The following FGD5 variants were observed in gnomAD, a reference collection of about 807,000 sequenced individuals.
The protein encoded by FGD5 is FYVE, RhoGEF and PH domain-containing protein 5.
In FGD5, 28 loss-of-function variants were observed where a neutral mutation model predicts 133.4. The ratio of observed to expected loss-of-function variants is 0.21; its 90% CI spans 0.16 to 0.29. The LOEUF (loss-of-function observed/expected upper bound fraction) is 0.29, where lower values mean the gene tolerates loss of function less well. Ranked by LOEUF, FGD5 falls within the 10% of genes least tolerant of loss-of-function variation. The probability of loss-of-function intolerance (pLI) is 1.00; values close to 1 mark genes in which losing one functional copy is unlikely to be tolerated. For synonymous variants in FGD5, 810 were observed against 776.5 expected, an observed-to-expected ratio of 1.04 and a Z score of -0.72; for missense variants, 1,858 against 1,895.2, an observed-to-expected ratio of 0.98 and a Z score of 0.36.
intron 4 of FGD5, among the ~76,000 whole-genome samples, chr3:14,884,599 G>A (rs749628357): frequency 2.0e-5 from 3 of 152,142 alleles, no homozygotes; most frequent in Non-Finnish European, 4.4e-5. Flanking sequence ...GAACTTAGTG[G>A]CATAAGACAA....
At chr3:14,883,984 G>A (rs980902699) in intron 4 of FGD5, among the ~76,000 whole-genome samples, 4 of 152,214 alleles carry the variant, frequency 2.6e-5, no homozygotes, top group African/African-American at 7.2e-5. Context: ...TATGTTTGGA[G>A]AATGACACAT....
At chr3:14,900,574 G>A in intron 8 of FGD5, 121 bp downstream of exon 8, 2 of 1,165,650 alleles carry the variant, frequency 1.7e-6, no homozygotes, top group Non-Finnish European at 2.5e-6. Context: ...CAGCTGGGTG[G>A]GTTCTGCATA....
Position 14,917,201 on chromosome 3 carries a change from G to A in FGD5, c.3406-48G>A, listed in dbSNP as rs757443635. The stretch of plus-strand genomic sequence containing the variant: ...GATCCTTTGAGGACAGAAGCCTGGC[G>A]CAGCCTTCTGGGGCCAGGGTCCTCT... On this transcript the variant is annotated intron_variant, in intron 11 of 19. Coordinates refer to ENST00000285046, the MANE Select transcript of FGD5 (RefSeq NM_152536.4). The surrounding 1 kb of genome is among the most constrained non-coding windows in gnomAD (Gnocchi z 4.1). 7.6e-5 allele frequency: 116 copies of A among 1,532,548 alleles called. 1 individual carries two copies. In the East Asian group the frequency reaches 9.0e-4, roughly 12 times the overall value. The allele number at this position is 1,532,548 out of a possible 1,614,324, so 94.9% of individuals were successfully genotyped here. A position where few individuals can be genotyped will look rare whatever the true frequency, so the allele number is the denominator to read the frequency against.
intron 13 of FGD5, among the ~76,000 whole-genome samples, chr3:14,921,110 T>C (rs1450156017): frequency 1.3e-5 from 2 of 152,240 alleles, no homozygotes; most frequent in African/African-American, 4.8e-5. Flanking sequence ...CAGTGGCCTT[T>C]AGCATGCCAG....
intron 11 of FGD5, among the ~76,000 whole-genome samples, chr3:14,916,932 C>T (rs1328350435): frequency 6.6e-6 from 1 of 152,184 alleles, no homozygotes; most frequent in African/African-American, 2.4e-5. Flanking sequence ...TATGGATAGA[C>T]CAGTTTGTTT....
rs114023254 is a variant in FGD5, at chr3:14,900,291, A to G, written c.3155-112A>G. ...TTGTGATGGGGCCAGCAGGGGAGAGAGGGTGGATGCTTCATTCTTCCAACT... is the reference window on the plus strand; with the variant it reads ...TTGTGATGGGGCCAGCAGGGGAGAGGGGGTGGATGCTTCATTCTTCCAACT... On this transcript the variant is annotated intron_variant, in intron 7 of 19. Coordinates refer to ENST00000285046, the MANE Select transcript of FGD5 (RefSeq NM_152536.4). 1,804 of 1,020,316 alleles carry G rather than the reference A, an allele frequency of 1.8e-3. 17 individuals are homozygous for G. The African/African-American group carries it at 0.025, about 14-fold the overall frequency. The allele number at this position is 1,020,316 out of a possible 1,614,324, so 63.2% of individuals were successfully genotyped here. A position where few individuals can be genotyped will look rare whatever the true frequency, so the allele number is the denominator to read the frequency against.
chr3:14,933,054 C>T (rs1359185741), intron 19 of FGD5, 77 bp from the exon 20 acceptor site: 28 of 1,492,658 alleles, frequency 1.9e-5, no homozygotes, highest in Non-Finnish European at 4.6e-6. Flanking sequence ...TCTACTAGTC[C>T]AGTCTTTTCT....
intron 2 of FGD5, among the ~76,000 whole-genome samples, chr3:14,873,805 T>C (rs1274723904): frequency 1.3e-5 from 2 of 151,178 alleles, no homozygotes; most frequent in African/African-American, 4.9e-5. Flanking sequence ...CACTGCAACC[T>C]CCGCCTCCCG....
At chr3:14,900,276 G>T in intron 7 of FGD5, 127 bp from the exon 8 acceptor site, 1 of 883,052 alleles carries the variant, frequency 1.1e-6, no homozygotes, top group South Asian at 1.5e-5. Flanking sequence ...TTGTGATGGG[G>T]CCAGCAGGGG....
At chr3:14,842,074 C>T (rs181882372) in intron 1 of FGD5, among the ~76,000 whole-genome samples, 7 of 152,366 alleles carry the variant, frequency 4.6e-5, no homozygotes, top group East Asian at 1.9e-4. Flanking sequence ...TAGAACTACA[C>T]GTCCCCATGT....
At chr3:14,814,065 C>A (rs2036335238), upstream of FGD5, among the ~76,000 whole-genome samples, 1 of 152,154 alleles carries the variant, frequency 6.6e-6, no homozygotes, top group African/African-American at 2.4e-5. Context: ...TCGGGCATAG[C>A]AAATTGCCAG....
chr3:14,866,282 G>A lies in FGD5; in HGVS notation c.2658+2022G>A, dbSNP rs192814130. On this transcript the variant is annotated intron_variant, in intron 2 of 19. Transcript: ENST00000285046. ...ATGGGAACACAAATGTGAGAGTGCC[G>A]GCCATACAATAGGGGTGTAGTAATT... Among the ~76,000 whole-genome samples, 10 of 152,250 alleles carry A rather than the reference G, an allele frequency of 6.6e-5. No individual in the cohort carries two copies. The East Asian group carries it at 1.7e-3, about 26-fold the overall frequency.
rs1161638487 is a variant in FGD5 at position 14,821,695 on chromosome 3, C to T, written c.2525+99C>T. On this transcript the variant is annotated intron_variant, in intron 1 of 19. Transcript: ENST00000285046. Reference sequence around the variant, plus strand: ...GATGGACTTGCTTTCCAGCCTCAGGCTCTGTTTCTTACTAGCTGTGTTGAC... The same window carrying T: ...GATGGACTTGCTTTCCAGCCTCAGGTTCTGTTTCTTACTAGCTGTGTTGAC... 14 of 1,425,616 alleles carry T rather than the reference C, an allele frequency of 9.8e-6. 1 individual carries two copies. In the Admixed American group the frequency reaches 3.4e-4, roughly 35 times the overall value. 88.3% of individuals were successfully genotyped at this position (1,425,616 alleles called of 1,614,324 possible). A position where few individuals can be genotyped will look rare whatever the true frequency, so the allele number is the denominator to read the frequency against.
chr3:14,932,989 TG>T, intron 19 of FGD5, 141 bp from the exon 20 acceptor site: 1 of 1,091,480 alleles, frequency 9.2e-7, no homozygotes. Flanking sequence ...ATAGAAAACA[TG>T]TTTGAGAAAC....
intron 2 of FGD5, among the ~76,000 whole-genome samples, chr3:14,870,084 G>A (rs1559487163): frequency 6.6e-6 from 1 of 152,238 alleles, no homozygotes; most frequent in Admixed American, 6.5e-5. Flanking sequence ...CAATTCCCAG[G>A]GAGGGGCTCT....
chr3:14,899,626 T>C (rs1462263988), intron 7 of FGD5, among the ~76,000 whole-genome samples: 1 of 152,248 alleles, frequency 6.6e-6, no homozygotes, highest in Non-Finnish European at 1.5e-5. Flanking sequence ...GCACCTACTA[T>C]GTACCAGGTC....
At chr3:14,918,471 C>G (rs1215479097) in intron 12 of FGD5, among the ~76,000 whole-genome samples, 1 of 152,254 alleles carries the variant, frequency 6.6e-6, no homozygotes, top group Non-Finnish European at 1.5e-5. Context: ...GACGTGGTCA[C>G]TGGCAGGTAC....
intron 1 of FGD5, among the ~76,000 whole-genome samples, chr3:14,844,560 C>G (rs1430793824): frequency 6.6e-6 from 1 of 151,608 alleles, no homozygotes. Flanking sequence ...GAGAAGGGTC[C>G]CTTGGGGACA....
At chr3:14,918,857 G>A in intron 13 of FGD5, 24 bp downstream of exon 13, 1 of 1,612,484 alleles carries the variant, frequency 6.2e-7, no homozygotes, top group Non-Finnish European at 8.5e-7. Context: ...GAGGGAGGAT[G>A]GCGCACAAGG....
Sources: gnomAD v4.1 joint callset for allele counts (sites outside exome capture counted in the v4.1 genomes callset) on GRCh38, gnomAD v4.1.1 for gene constraint, Gnocchi (gnomAD v3.1) non-coding constraint, MANE v1.5 for transcripts, NCBI Gene and HGNC (gene_info 2026-07-23, HGNC 2026-07-21) for gene names.